Variants in CASQ1 observed in about 807,000 individuals in gnomAD.
The protein encoded by CASQ1 is calsequestrin 1, also known as calsequestrin-1.
Under a neutral mutation model 49.5 loss-of-function variants are expected in CASQ1, and 40 were observed. The ratio of observed to expected loss-of-function variants is 0.81; its 90% CI spans 0.63 to 1.05. The LOEUF (loss-of-function observed/expected upper bound fraction) is 1.05, where lower values mean the gene tolerates loss of function less well. Among genes scored for constraint, CASQ1 ranks in the 50% least tolerant of loss-of-function variants. The pLI is 0.00. For synonymous variants in CASQ1, 174 were observed against 187.2 expected, an observed-to-expected ratio of 0.93 and a Z score of 0.58; for missense variants, 469 against 486.9, an observed-to-expected ratio of 0.96 and a Z score of 0.35.
At chr1:160,195,241 C>A in intron 4 of CASQ1, 118 bp downstream of exon 4, 1 of 757,118 alleles carries the variant, frequency 1.3e-6, no homozygotes, top group Non-Finnish European at 2.2e-6. Flanking sequence ...ACCTCTTCCT[C>A]CAGCCGTGGT....
At chr1:160,196,535 T>C (rs1654246336) in intron 6 of CASQ1, among the ~76,000 whole-genome samples, 1 of 151,886 alleles carries the variant, frequency 6.6e-6, no homozygotes, top group African/African-American at 2.4e-5. Flanking sequence ...TGGAGCACAG[T>C]GGCGCCATCT....
chr1:160,199,716 C>T lies in CASQ1; in HGVS notation c.985-135C>T, dbSNP rs774594231. 4.5e-6 allele frequency: 3 copies of T among 670,220 alleles called. No homozygotes were observed. The South Asian group carries it at 5.1e-5, about 11-fold the overall frequency. 41.5% of individuals were successfully genotyped at this position (670,220 alleles called of 1,614,324 possible). On this transcript the variant is annotated intron_variant, in intron 9 of 10. Coordinates refer to ENST00000368078, the MANE Select transcript of CASQ1 (RefSeq NM_001231.5). ...TTCTACCCTTGCCTTGATGCCCTCA[C>T]AGGTGGACCTGTCCCCATCCACTGC...
intron 6 of CASQ1, 27 bp downstream of exon 6, chr1:160,196,054 C>T (rs781026091): frequency 2.0e-5 from 32 of 1,610,464 alleles, no homozygotes; most frequent in East Asian, 1.1e-4. Context: ...ACCCTCTCAG[C>T]GGGGTCGGCT....
chr1:160,195,103 T>A lies in CASQ1; in HGVS notation c.557T>A (p.Phe186Tyr), dbSNP rs770893881. ...GATGAGATCAAACTCATTGGCTACT[T>A]CAAGAGCAAAGACTCAGAGCGTGGG... Reference protein sequence around the residue: ...IEDEIKLIGYFKSKDSEHYKA... With the variant: ...IEDEIKLIGYYKSKDSEHYKA... Residue 186 changes from phenylalanine (F) to tyrosine (Y), a missense_variant, in exon 4 of 11, where the codon TTC (phenylalanine) becomes TAC (tyrosine). By Grantham distance (22) the Phe-to-Tyr change is conservative (BLOSUM62 3). Coordinates refer to ENST00000368078, the MANE Select transcript of CASQ1 (RefSeq NM_001231.5). The A allele has an allele frequency of 5.0e-6, 8 of 1,610,526 alleles. No individual in the cohort carries two copies. The highest frequency in any genetic ancestry group is 6.8e-6 in the Non-Finnish European group (8 of 1,177,786).
Position 160,197,571 on chromosome 1 carries a change from C to T in CASQ1, c.785C>T (p.Ser262Leu). 1 of 1,610,372 alleles carries T rather than the reference C, an allele frequency of 6.2e-7. No individual in the cohort carries two copies. The highest frequency in any genetic ancestry group is 8.5e-7 in the Non-Finnish European group (1 of 1,176,570). The stretch of plus-strand genomic sequence containing the variant: ...GACACTCTGTCTGTCTCTTCTAGAT[C>T]AACCCTGAGGAAACTGAAGCCGGAG... ...IVNFVEEHRR[S>L]TLRKLKPESM... is the part of the protein sequence containing the mutation. Residue 262 changes from serine to leucine, a missense_variant and splice_region_variant, in exon 7 of 11, where the codon TCA becomes TTA. Coordinates refer to ENST00000368078, the MANE Select transcript of CASQ1 (RefSeq NM_001231.5).
Position 160,201,274 on chromosome 1 carries a change from T to C in CASQ1, c.1089T>C (p.Asp363=). The C allele has an allele frequency of 6.2e-7, 1 of 1,613,578 alleles. No homozygotes were observed. Among genetic ancestry groups the C allele is most frequent in the Non-Finnish European group, 8.5e-7 (1 of 1,179,798 alleles). ...DADSVWMEMD[D]EEDLPSAEEL... is the part of the protein sequence containing the mutation. ...ATAGCGTATGGATGGAAATGGACGA[T>C]GAGGAGGACCTGCCTTCTGCTGAGG... The change falls in exon 11 of 11, where the codon GAT becomes GAC. Residue 363 remains aspartate (D), a synonymous_variant. Transcript: ENST00000368078.
At chr1:160,195,658 C>CT (rs200666201) in intron 5 of CASQ1, 124 bp downstream of exon 5, 26 of 825,724 alleles carry the variant, frequency 3.1e-5, no homozygotes, top group East Asian at 1.3e-4. Context: ...ACCTGCCCCC[C>CT]CCCCCGGCTC....
Position 160,197,597 on chromosome 1 carries a change from A to G in CASQ1, c.811A>G (p.Ser271Gly). ...RSTLRKLKPESMYETWEDDMD... is the reference protein window; with the variant it reads ...RSTLRKLKPEGMYETWEDDMD... ...AACCCTGAGGAAACTGAAGCCGGAGAGTATGTATGAGACCTGGGTGAGTGC... is the reference window on the plus strand; with the variant it reads ...AACCCTGAGGAAACTGAAGCCGGAGGGTATGTATGAGACCTGGGTGAGTGC... The change falls in exon 7 of 11, where the codon AGT (serine) becomes GGT (glycine). Residue 271 changes from serine (S) to glycine (G), a missense_variant. Ser to Gly is a moderately conservative substitution (Grantham distance 56). Transcript: ENST00000368078. 1 of 1,611,646 alleles carries G rather than the reference A, an allele frequency of 6.2e-7. No homozygotes were observed. Among genetic ancestry groups the G allele is most frequent in the Non-Finnish European group, 8.5e-7 (1 of 1,177,736 alleles).
chr1:160,193,920 A>G (rs1654139967), intron 3 of CASQ1, 73 bp downstream of exon 3: 1 of 850,968 alleles, frequency 1.2e-6, no homozygotes. Flanking sequence ...TACCAACCCC[A>G]ACCTGACACT....
chr1:160,195,356 T>A, intron 4 of CASQ1, 105 bp from the exon 5 acceptor site: 1 of 1,045,238 alleles, frequency 9.6e-7, no homozygotes, highest in South Asian at 1.3e-5. Flanking sequence ...AAGGGGTGGG[T>A]CTCAAAATGA....
At chr1:160,197,665 AGACT>A in intron 7 of CASQ1, 51 bp downstream of exon 7, 1 of 1,304,442 alleles carries the variant, frequency 7.7e-7, no homozygotes. Context: ...GGGTGCCAGA[AGACT>A]CAAGTCCTAG....
chr1:160,197,483 C>A, intron 6 of CASQ1, 86 bp from the exon 7 acceptor site: 1 of 960,722 alleles, frequency 1.0e-6, no homozygotes, highest in Non-Finnish European at 1.7e-6. Flanking sequence ...CTGGGCCTGA[C>A]CTAGAGGCAG....
chr1:160,190,706 T>G lies in CASQ1; in HGVS notation c.-46T>G. The stretch of plus-strand genomic sequence containing the variant: ...CCCAGGGGCCCCTCCCTACCCCAGC[T>G]AACCTCTTCTGGACCAGGAGAGCCA... On this transcript the variant is annotated 5_prime_UTR_variant, in exon 1 of 11. Coordinates refer to ENST00000368078, the MANE Select transcript of CASQ1 (RefSeq NM_001231.5). The G allele has an allele frequency of 6.3e-7, 1 of 1,587,666 alleles. No individual in the cohort carries two copies. The highest frequency in any genetic ancestry group is 8.6e-7 in the Non-Finnish European group (1 of 1,163,768).
chr1:160,197,695 CT>C, intron 7 of CASQ1, 81 bp downstream of exon 7: 1 of 966,568 alleles, frequency 1.0e-6, no homozygotes, highest in South Asian at 1.3e-5. Flanking sequence ...CCCCACCCTA[CT>C]GCTCCTCAGG....
At position 160,190,746 on chromosome 1, in the gene CASQ1, A is replaced by G. The variant is rs766716902; in HGVS notation, c.-6A>G. The stretch of plus-strand genomic sequence containing the variant: ...CAGGAGAGCCAACCCAGATCCCACT[A>G]CCTCCATGAGTGCTACAGACAGGAT... On this transcript the variant is annotated 5_prime_UTR_variant, in exon 1 of 11. Coordinates refer to ENST00000368078, the MANE Select transcript of CASQ1 (RefSeq NM_001231.5). 2 of 1,611,260 alleles carry G rather than the reference A, an allele frequency of 1.2e-6. No individual in the cohort carries two copies. The highest frequency in any genetic ancestry group is 1.7e-6 in the Non-Finnish European group (2 of 1,178,060).
At chr1:160,191,632 T>G (rs888304513) in intron 1 of CASQ1, among the ~76,000 whole-genome samples, 1 of 152,210 alleles carries the variant, frequency 6.6e-6, no homozygotes, top group South Asian at 2.1e-4. Context: ...AAAATTCTTA[T>G]GGTTGCAGGA....
At chr1:160,191,097 C>T (rs1253747720) in intron 1 of CASQ1, 67 bp downstream of exon 1, 7 of 1,529,112 alleles carry the variant, frequency 4.6e-6, no homozygotes, top group East Asian at 2.3e-5. Flanking sequence ...CTATCCTACA[C>T]CCATGTAGCT....
At position 160,192,786 on chromosome 1, in the gene CASQ1, T is replaced by C; in HGVS notation, c.280-16T>C. ...AAATTCCAGGGGCTAATTTTAATCATAATCCTTCCCTCCAGTTAGCAGCCC... is the reference window on the plus strand; with the variant it reads ...AAATTCCAGGGGCTAATTTTAATCACAATCCTTCCCTCCAGTTAGCAGCCC... On this transcript the variant is annotated splice_polypyrimidine_tract_variant and intron_variant, in intron 1 of 10. Coordinates refer to ENST00000368078, the MANE Select transcript of CASQ1 (RefSeq NM_001231.5). 1 of 1,611,780 alleles carries C rather than the reference T, an allele frequency of 6.2e-7. No individual in the cohort carries two copies. The highest frequency in any genetic ancestry group is 2.2e-5 in the East Asian group (1 of 44,868).
chr1:160,201,185 A>G, intron 10 of CASQ1, 60 bp from the exon 11 acceptor site: 1 of 1,567,088 alleles, frequency 6.4e-7, no homozygotes, highest in Non-Finnish European at 8.7e-7. Flanking sequence ...GTGAGTGGGA[A>G]GACAGATCCT....
Sources: gnomAD v4.1 joint callset for allele counts (sites outside exome capture counted in the v4.1 genomes callset) on GRCh38, gnomAD v4.1.1 for gene constraint, MANE v1.5 for transcripts, NCBI Gene and HGNC (gene_info 2026-07-23, HGNC 2026-07-21) for gene names.